Variants in TRAPPC9 observed in about 807,000 individuals in gnomAD.
TRAPPC9 encodes the protein IKK2 binding protein.
In TRAPPC9, 83 loss-of-function variants were observed where a neutral mutation model predicts 124.0. The observed-to-expected ratio is 0.67, with a 90% CI of 0.56 to 0.80. TRAPPC9 has a LOEUF of 0.80. TRAPPC9 is among the 30% of genes least tolerant of loss of function. The pLI, the probability that TRAPPC9 is intolerant of heterozygous loss-of-function variation, is 0.00. For synonymous variants in TRAPPC9, 638 were observed against 617.5 expected, an observed-to-expected ratio of 1.03 and a Z score of -0.49; for missense variants, 1,302 against 1,508.3, an observed-to-expected ratio of 0.86 and a Z score of 2.27.
At chr8:140,456,994 G>A (rs974137191) in intron 1 of TRAPPC9, among the ~76,000 whole-genome samples, 1 of 152,236 alleles carries the variant, frequency 6.6e-6, no homozygotes, top group African/African-American at 2.4e-5. Context: ...CCTCTCCCCA[G>A]GGTTCCCTGG....
At chr8:139,959,715 A>C (rs2131554513) in intron 19 of TRAPPC9, among the ~76,000 whole-genome samples, 1 of 152,366 alleles carries the variant, frequency 6.6e-6, no homozygotes, top group African/African-American at 2.4e-5. Context: ...TTAAGCCAGG[A>C]CAGCCACTAG....
At chr8:139,846,664 G>A (rs1308564472) in intron 21 of TRAPPC9, among the ~76,000 whole-genome samples, 2 of 152,200 alleles carry the variant, frequency 1.3e-5, no homozygotes, top group Admixed American at 6.5e-5. Context: ...GATGCTAGCC[G>A]CATTGGAAGC....
At chr8:140,383,326 G>A (rs2068664353) in intron 7 of TRAPPC9, among the ~76,000 whole-genome samples, 2 of 152,312 alleles carry the variant, frequency 1.3e-5, no homozygotes, top group Non-Finnish European at 2.9e-5. Flanking sequence ...TGACTTTGAT[G>A]AGTTGAGAGA....
chr8:140,363,313 G>C lies in TRAPPC9; in HGVS notation c.1352-3120C>G, dbSNP rs117197105. Among the ~76,000 whole-genome samples the C allele has an allele frequency of 5.3e-3, 804 of 152,304 alleles. 8 individuals are homozygous for C. Among genetic ancestry groups the C allele is most frequent in the Middle Eastern group, 0.037 (11 of 294 alleles). ...TTCCTTCCTCGACCGTCTATAACCAGCTAGTGCAAATGTTCATTTCAAGAA... is the reference window on the plus strand; with the variant it reads ...TTCCTTCCTCGACCGTCTATAACCACCTAGTGCAAATGTTCATTTCAAGAA... On this transcript the variant is annotated intron_variant, in intron 8 of 22. Coordinates refer to ENST00000438773, the MANE Select transcript of TRAPPC9 (RefSeq NM_001160372.4).
At chr8:139,864,263 C>T (rs1056232519) in intron 21 of TRAPPC9, among the ~76,000 whole-genome samples, 2 of 152,136 alleles carry the variant, frequency 1.3e-5, no homozygotes, top group African/African-American at 4.8e-5. Flanking sequence ...TTATCTCTAC[C>T]AACAACATAT....
intron 17 of TRAPPC9, among the ~76,000 whole-genome samples, chr8:140,214,189 G>T (rs2063135821): frequency 6.6e-6 from 1 of 152,218 alleles, no homozygotes. Context: ...TCTCAGAAGG[G>T]CTCTCAATGG....
At chr8:140,425,156 A>G (rs2070377350) in intron 5 of TRAPPC9, among the ~76,000 whole-genome samples, 1 of 152,242 alleles carries the variant, frequency 6.6e-6, no homozygotes, top group Non-Finnish European at 1.5e-5. Context: ...GTAGCGAGTC[A>G]GTCCTGATAC....
At chr8:140,019,542 C>CTTTTTTTTTTTTTT (rs71320340) in intron 18 of TRAPPC9, among the ~76,000 whole-genome samples, 2 of 43,860 alleles carry the variant, frequency 4.6e-5, no homozygotes, top group Non-Finnish European at 8.2e-5. Context: ...TAATTTGTGT[C>CTTTTTTTTTTTTTT]TTTTTTTTTT....
intron 20 of TRAPPC9, among the ~76,000 whole-genome samples, chr8:139,889,813 C>A (rs994278066): frequency 6.6e-6 from 1 of 152,178 alleles, no homozygotes; most frequent in Non-Finnish European, 1.5e-5. Flanking sequence ...CAAGGACAGC[C>A]CCCCTGCGGC....
chr8:140,119,003 T>C (rs1290553046), intron 17 of TRAPPC9, among the ~76,000 whole-genome samples: 1 of 152,216 alleles, frequency 6.6e-6, no homozygotes, highest in Admixed American at 6.5e-5. Flanking sequence ...TCAAGGGTCT[T>C]CATTTAAACA....
intron 21 of TRAPPC9, among the ~76,000 whole-genome samples, chr8:139,797,506 T>C (rs900119219): frequency 1.3e-5 from 2 of 152,172 alleles, no homozygotes; most frequent in Non-Finnish European, 2.9e-5. Context: ...GTGATTGGCC[T>C]ACCTAAACCT....
chr8:140,426,977 G>A (rs2070446190), intron 4 of TRAPPC9, among the ~76,000 whole-genome samples: 1 of 150,886 alleles, frequency 6.6e-6, no homozygotes, highest in Non-Finnish European at 1.5e-5. Flanking sequence ...CCAGGCTGGA[G>A]TGCAGTGGCG....
intron 21 of TRAPPC9, among the ~76,000 whole-genome samples, chr8:139,850,767 C>T (rs188218511): frequency 1.3e-5 from 2 of 152,304 alleles, no homozygotes; most frequent in African/African-American, 4.8e-5. Context: ...CATCCCTTCA[C>T]CCAATTATAC....
At position 139,731,003 on chromosome 8, in the gene TRAPPC9, G is replaced by C. The variant is rs191976492; in HGVS notation, c.*58C>G. 664 of 1,590,516 alleles carry C rather than the reference G, an allele frequency of 4.2e-4. 2 individuals are homozygous for C. The African/African-American group carries it at 7.6e-3, about 18-fold the overall frequency. On this transcript the variant is annotated 3_prime_UTR_variant, in exon 23 of 23. Coordinates refer to ENST00000438773, the MANE Select transcript of TRAPPC9 (RefSeq NM_001160372.4). ...AGGCCTTGCTCATTGCAGGGGGTGT[G>C]GGAGGCCAGGCAGGGTCACCTCTGG... is the stretch of plus-strand genomic sequence containing the variant.
intron 5 of TRAPPC9, among the ~76,000 whole-genome samples, chr8:140,411,818 A>G (rs941566054): frequency 2.0e-5 from 3 of 152,360 alleles, no homozygotes; most frequent in Admixed American, 1.3e-4. Context: ...ATAATGATCC[A>G]TAAGTCCATA....
intron 9 of TRAPPC9, among the ~76,000 whole-genome samples, chr8:140,315,264 G>A (rs1013615950): frequency 3.0e-5 from 4 of 132,214 alleles, no homozygotes; most frequent in Non-Finnish European, 4.6e-5. Context: ...GTGGGCATGT[G>A]AGATTTAAGG....
intron 21 of TRAPPC9, among the ~76,000 whole-genome samples, chr8:139,874,737 C>A (rs1331626120): frequency 6.6e-6 from 1 of 152,184 alleles, no homozygotes; most frequent in Admixed American, 6.5e-5. Context: ...AGTGGGGGGC[C>A]TTCTGAGCCA....
chr8:139,935,192 C>G (rs781279695), intron 19 of TRAPPC9, among the ~76,000 whole-genome samples: 4 of 152,158 alleles, frequency 2.6e-5, no homozygotes, highest in Non-Finnish European at 4.4e-5. Flanking sequence ...ACCTTCTGTC[C>G]TAGAACCCCA....
intron 11 of TRAPPC9, among the ~76,000 whole-genome samples, chr8:140,293,227 G>T (rs990095131): frequency 6.7e-6 from 1 of 149,816 alleles, no homozygotes; most frequent in Non-Finnish European, 1.5e-5. Flanking sequence ...AGGTGCTGGA[G>T]AGGATGTGGA....
Sources: allele counts gnomAD v4.1 joint callset (sites outside exome capture counted in the v4.1 genomes callset), GRCh38; gene constraint gnomAD v4.1.1; transcripts MANE v1.5; gene names NCBI Gene and HGNC (gene_info 2026-07-23, HGNC 2026-07-21).